ANKFN1: variants seen among roughly 807,000 people sequenced by gnomAD.
ANKFN1 encodes the protein ankyrin repeat and fibronectin type III domain containing 1.
A neutral mutation model predicts 108.7 loss-of-function variants in ANKFN1; 74 were observed. The observed-to-expected ratio is 0.68, with a 90% CI of 0.56 to 0.83. ANKFN1 has a LOEUF of 0.83. Ranked by LOEUF, ANKFN1 falls within the 40% of genes least tolerant of loss-of-function variation. ANKFN1 has a pLI of 0.00. For synonymous variants in ANKFN1, 547 were observed against 516.2 expected, an observed-to-expected ratio of 1.06 and a Z score of -0.81; for missense variants, 1,505 against 1,382.3, an observed-to-expected ratio of 1.09 and a Z score of -1.41.
rs1361924527 is a variant in ANKFN1, at chr17:56,354,040, C to A, written c.595C>A (p.Pro199Thr). The A allele has an allele frequency of 6.2e-7, 1 of 1,613,520 alleles. No individual in the cohort carries two copies. Among genetic ancestry groups the A allele is most frequent in the Non-Finnish European group, 8.5e-7 (1 of 1,179,842 alleles). ...TCTGAGGACAGGGGCCCGAGAAAGTCCACACTGTAAGTAACCTGAGAATAA... is the reference window on the plus strand; with the variant it reads ...TCTGAGGACAGGGGCCCGAGAAAGTACACACTGTAAGTAACCTGAGAATAA... ...ILLRTGARESPHFVSLESRAM... is the reference protein window; with the variant it reads ...ILLRTGARESTHFVSLESRAM... Residue 199 changes from proline (P) to threonine (T), a missense_variant, in exon 6 of 21, where the codon CCA becomes ACA. Coordinates refer to ENST00000682825, the MANE Select transcript of ANKFN1 (RefSeq NM_001370326.1).
intron 1 of ANKFN1, among the ~76,000 whole-genome samples, chr17:56,177,495 T>C (rs1405505743): frequency 6.6e-6 from 1 of 152,184 alleles, no homozygotes; most frequent in African/African-American, 2.4e-5. Flanking sequence ...CCTGTTGAAA[T>C]AGGTTACAAG....
chr17:56,135,065 C>T (rs1907518014), intron 4 of ANKFN1, among the ~76,000 whole-genome samples: 2 of 152,034 alleles, frequency 1.3e-5, no homozygotes, highest in South Asian at 4.2e-4. Flanking sequence ...TATTATCATC[C>T]CCAGTTCACA....
intron 4 of ANKFN1, among the ~76,000 whole-genome samples, chr17:56,083,311 T>C (rs1905270235): frequency 6.6e-6 from 1 of 151,322 alleles, no homozygotes; most frequent in Non-Finnish European, 1.5e-5. Flanking sequence ...TTCCTTCCAA[T>C]GTATTTTGTG....
At chr17:56,055,566 C>CATATACATATATATATATAT (rs1904855492) in intron 4 of ANKFN1, among the ~76,000 whole-genome samples, 2 of 47,460 alleles carry the variant, frequency 4.2e-5, no homozygotes, top group Admixed American at 4.5e-4. Context: ...GGTATATATA[C>CATATACATATATATATATAT]ATATATATAT....
At chr17:56,383,127 G>A (rs900301872) in intron 8 of ANKFN1, among the ~76,000 whole-genome samples, 8 of 152,128 alleles carry the variant, frequency 5.3e-5, no homozygotes, top group African/African-American at 1.7e-4. Flanking sequence ...ATAACAAACT[G>A]TCTCTCAGAC....
At chr17:56,345,164 C>A (rs973189498) in intron 4 of ANKFN1, among the ~76,000 whole-genome samples, 2 of 151,976 alleles carry the variant, frequency 1.3e-5, no homozygotes, top group Non-Finnish European at 1.5e-5. Flanking sequence ...GTTCCTGTGA[C>A]AGTTTGCTGA....
At chr17:56,155,579 G>GATT (rs967494706) in intron 1 of ANKFN1, among the ~76,000 whole-genome samples, 2 of 152,212 alleles carry the variant, frequency 1.3e-5, no homozygotes, top group African/African-American at 4.8e-5. Flanking sequence ...ATTAAGTGAA[G>GATT]GAATAAGCTG....
At chr17:56,143,938 C>G (rs944728674) in intron 4 of ANKFN1, among the ~76,000 whole-genome samples, 4 of 152,082 alleles carry the variant, frequency 2.6e-5, no homozygotes, top group African/African-American at 4.8e-5. Context: ...TTCTGTCCCC[C>G]AGAACTGTGA....
intron 3 of ANKFN1, among the ~76,000 whole-genome samples, chr17:56,257,421 A>T (rs965713463): frequency 1.3e-5 from 2 of 152,234 alleles, no homozygotes; most frequent in Admixed American, 1.3e-4. Context: ...TGGCCCTTCA[A>T]CATTAACAGT....
chr17:56,266,137 G>A (rs561316095), intron 3 of ANKFN1, among the ~76,000 whole-genome samples: 74 of 152,260 alleles, frequency 4.9e-4, no homozygotes, highest in African/African-American at 1.6e-3. Flanking sequence ...GTTTATCTGG[G>A]CATTGGAGAT....
At chr17:56,376,850 A>G (rs1411600511) in intron 8 of ANKFN1, among the ~76,000 whole-genome samples, 16 of 152,208 alleles carry the variant, frequency 1.1e-4, no homozygotes, top group Admixed American at 1.0e-3. Context: ...ATAAGGTCAT[A>G]AATTGAGTCC....
intron 8 of ANKFN1, among the ~76,000 whole-genome samples, chr17:56,426,837 A>G (rs1241298610): frequency 6.6e-6 from 1 of 152,242 alleles, no homozygotes; most frequent in Non-Finnish European, 1.5e-5. Flanking sequence ...ATGTCTCAAC[A>G]TCAGCCAGTC....
chr17:56,144,156 GAAAAAAAAAAAAA>G lies in ANKFN1; in HGVS notation c.289-83744_289-83732del, dbSNP rs59884444. 9.9e-5 allele frequency among the ~76,000 whole-genome samples: 4 copies of G among 40,552 alleles called. No homozygotes were observed. The South Asian group carries it at 4.8e-3, about 48-fold the overall frequency. 26.6% of individuals were successfully genotyped at this position (40,552 alleles called of 152,430 possible). A position where few individuals can be genotyped will look rare whatever the true frequency, so the allele number is the denominator to read the frequency against. The stretch of plus-strand genomic sequence containing the variant: ...GCCTGACACAAACAGAGGCGCATCT[GAAAAAAAAAAAAA>G]AAAAAAAAAAAAAAAACAGCCCAAA... On this transcript the variant is annotated intron_variant, in intron 4 of 12. Transcript: ENST00000635860.
At chr17:56,306,501 C>T (rs899828710) in intron 3 of ANKFN1, among the ~76,000 whole-genome samples, 2 of 152,150 alleles carry the variant, frequency 1.3e-5, no homozygotes, top group African/African-American at 4.8e-5. Flanking sequence ...AATAAAATAC[C>T]TAGGAATACA....
At chr17:56,324,278 A>T (rs867006340) in intron 3 of ANKFN1, among the ~76,000 whole-genome samples, 10 of 152,224 alleles carry the variant, frequency 6.6e-5, no homozygotes, top group Non-Finnish European at 8.8e-5. Flanking sequence ...ACGTTAAAGT[A>T]TGTAGCACAA....
intron 4 of ANKFN1, among the ~76,000 whole-genome samples, chr17:56,066,509 A>G (rs572056265): frequency 1.3e-5 from 2 of 152,336 alleles, no homozygotes; most frequent in East Asian, 3.9e-4. Context: ...AGGCAAAACT[A>G]TTTTACATAT....
chr17:56,128,139 C>G (rs1907045359), intron 4 of ANKFN1, among the ~76,000 whole-genome samples: 1 of 151,850 alleles, frequency 6.6e-6, no homozygotes, highest in Non-Finnish European at 1.5e-5. Flanking sequence ...AATACATCGA[C>G]AGGTTAAAAA....
At chr17:56,379,586 A>G (rs1246604058) in intron 8 of ANKFN1, among the ~76,000 whole-genome samples, 1 of 152,158 alleles carries the variant, frequency 6.6e-6, no homozygotes, top group Non-Finnish European at 1.5e-5. Flanking sequence ...TAATCCTACA[A>G]CTGGATGTTT....
Position 56,110,790 on chromosome 17 carries a change from C to G in ANKFN1, c.288+64465C>G, listed in dbSNP as rs914652829. Among the ~76,000 whole-genome samples the G allele has an allele frequency of 2.6e-5, 4 of 152,220 alleles. No individual in the cohort carries two copies. The East Asian group carries it at 7.7e-4, about 29-fold the overall frequency. ...GCAGGAAAGGAAAGTTGGAAAAAGT[C>G]CTAACCTAAAATGTCAGGTCCCTCA... On this transcript the variant is annotated intron_variant, in intron 4 of 12. Transcript: ENST00000635860.
Sources: gnomAD v4.1 joint callset for allele counts (sites outside exome capture counted in the v4.1 genomes callset) on GRCh38, gnomAD v4.1.1 for gene constraint, MANE v1.5 for transcripts, NCBI Gene and HGNC (gene_info 2026-07-23, HGNC 2026-07-21) for gene names.